C7: variants seen among roughly 807,000 people sequenced by gnomAD.
The protein encoded by C7 is complement C7, also known as complement component C7.
Under a neutral mutation model 104.8 loss-of-function variants are expected in C7, and 83 were observed. The observed-to-expected ratio is 0.79, with a 90% CI of 0.66 to 0.95. C7 has a LOEUF of 0.95. Ranked by LOEUF, C7 falls within the 40% of genes least tolerant of loss-of-function variation. The pLI is 0.00. For synonymous variants in C7, 415 were observed against 360.6 expected, an observed-to-expected ratio of 1.15 and a Z score of -1.71; for missense variants, 1,070 against 1,011.2, an observed-to-expected ratio of 1.06 and a Z score of -0.79.
intron 2 of C7, 93 bp downstream of exon 2, chr5:40,928,728 T>G (rs1739610248): frequency 1.5e-6 from 1 of 676,458 alleles, no homozygotes; most frequent in South Asian, 1.9e-5. Flanking sequence ...ACTTTGAATC[T>G]GTGTATCCCT....
chr5:40,983,664 G>A lies in C7; in HGVS notation c.*2091G>A. 6.6e-6 allele frequency among the ~76,000 whole-genome samples: 1 copy of A among 152,298 alleles called. No homozygotes were observed. On this transcript the variant is annotated 3_prime_UTR_variant, in exon 18 of 18. Transcript: ENST00000313164. ...GAATTAGGATTGTCGCAGCAGGTCA[G>A]CAAGGAGAAAGTCATTTTTAAGATT...
chr5:40,947,898 G>T, intron 8 of C7, 53 bp downstream of exon 8: 2 of 1,528,782 alleles, frequency 1.3e-6, no homozygotes, highest in Non-Finnish European at 1.8e-6. Flanking sequence ...TTTTAATGGG[G>T]AAATAACATG....
chr5:40,932,745 G>A (rs996244973), intron 3 of C7, among the ~76,000 whole-genome samples: 2 of 152,118 alleles, frequency 1.3e-5, no homozygotes, highest in Admixed American at 1.3e-4. Context: ...AGAGAAGAAA[G>A]AACACTAAAT....
At chr5:40,957,850 T>G (rs2111662355) in intron 10 of C7, among the ~76,000 whole-genome samples, 183 bp from the exon 11 acceptor site, 1 of 152,034 alleles carries the variant, frequency 6.6e-6, no homozygotes, top group East Asian at 1.9e-4. Context: ...TTTCCCTAAG[T>G]TTGTCTTGAT....
intron 9 of C7, among the ~76,000 whole-genome samples, chr5:40,954,476 A>G (rs1441415216): frequency 6.6e-6 from 1 of 152,230 alleles, no homozygotes; most frequent in East Asian, 1.9e-4. Flanking sequence ...ACATCTAAGA[A>G]GAACATTCTC....
chr5:40,980,954 TG>T (rs1740928606), intron 17 of C7, among the ~76,000 whole-genome samples: 1 of 152,254 alleles, frequency 6.6e-6, no homozygotes, highest in Non-Finnish European at 1.5e-5. Context: ...ATTTCTGGTT[TG>T]TTTTTTGGGA....
intron 1 of C7, among the ~76,000 whole-genome samples, chr5:40,912,953 C>G (rs1353714348): frequency 7.2e-5 from 11 of 152,166 alleles, no homozygotes; most frequent in Admixed American, 1.3e-4. Context: ...CTTCCCCTTT[C>G]TATCCCCAAC....
At chr5:40,957,768 G>GTTT (rs576860158) in intron 10 of C7, among the ~76,000 whole-genome samples, 23 of 104,464 alleles carry the variant, frequency 2.2e-4, no homozygotes, top group African/African-American at 5.9e-4. Flanking sequence ...GTTTTTTTTT[G>GTTT]TTTTTTTTTT....
At chr5:40,972,259 C>T (rs1317533315) in intron 14 of C7, 144 bp from the exon 15 acceptor site, 2 of 683,374 alleles carry the variant, frequency 2.9e-6, no homozygotes, top group Admixed American at 2.6e-5. Context: ...GTCTTTCAGT[C>T]CACCCTAACA....
intron 9 of C7, 94 bp from the exon 10 acceptor site, chr5:40,955,293 C>T (rs1740264174): frequency 8.6e-7 from 1 of 1,165,488 alleles, no homozygotes; most frequent in Non-Finnish European, 1.2e-6. Flanking sequence ...TGACTGTTTC[C>T]ATAGTTTGGC....
intron 13 of C7, among the ~76,000 whole-genome samples, chr5:40,963,403 T>G (rs566991788): frequency 3.3e-5 from 5 of 152,276 alleles, no homozygotes; most frequent in Admixed American, 1.3e-4. Context: ...TTTTGTTTTG[T>G]TTTTGCAAGG....
At chr5:40,924,295 G>T (rs561203148) in intron 1 of C7, among the ~76,000 whole-genome samples, 1 of 152,256 alleles carries the variant, frequency 6.6e-6, no homozygotes, top group Admixed American at 6.5e-5. Flanking sequence ...AATCTCCCTT[G>T]GCTCCAGGTT....
chr5:40,958,906 G>T (rs1740360444), intron 11 of C7, among the ~76,000 whole-genome samples: 1 of 152,078 alleles, frequency 6.6e-6, no homozygotes, highest in African/African-American at 2.4e-5. Flanking sequence ...TTGATTCATA[G>T]AAGTCACTAA....
intron 7 of C7, among the ~76,000 whole-genome samples, chr5:40,945,980 C>A (rs1740039933): frequency 6.7e-6 from 1 of 149,210 alleles, no homozygotes; most frequent in African/African-American, 2.4e-5. Flanking sequence ...TTACAAAGCC[C>A]TTATTACCTT....
chr5:40,947,114 T>C (rs1435005303), intron 7 of C7, among the ~76,000 whole-genome samples: 1 of 151,398 alleles, frequency 6.6e-6, no homozygotes, highest in Non-Finnish European at 1.5e-5. Context: ...TTTTTTTTTT[T>C]TTTGATATTG....
intron 3 of C7, among the ~76,000 whole-genome samples, chr5:40,932,086 T>C (rs1739696757): frequency 6.6e-6 from 1 of 152,174 alleles, no homozygotes; most frequent in Non-Finnish European, 1.5e-5. Flanking sequence ...AAACAAATTA[T>C]ATAACAGCAT....
chr5:40,927,699 A>G (rs776893745), intron 1 of C7, among the ~76,000 whole-genome samples: 1 of 152,100 alleles, frequency 6.6e-6, no homozygotes, highest in South Asian at 2.1e-4. Flanking sequence ...AGTGCTCAAC[A>G]TTGCTAATCA....
chr5:40,981,554 G>A lies in C7; in HGVS notation c.2513G>A (p.Cys838Tyr), dbSNP rs774987776. The A allele has an allele frequency of 4.3e-6, 7 of 1,610,820 alleles. No homozygotes were observed. Among genetic ancestry groups the A allele is most frequent in the Non-Finnish European group, 5.9e-6 (7 of 1,177,494 alleles). Residue 838 changes from cysteine (C) to tyrosine (Y), a missense_variant, in exon 18 of 18, where the codon TGT (cysteine) becomes TAT (tyrosine). Physicochemically the swap from Cys to Tyr is radical, Grantham distance 194. Transcript: ENST00000313164. ...QSISVTSIRPCAAETQ is the reference protein window; with the variant it reads ...QSISVTSIRPYAAETQ ...ATCTCTGTCACCAGCATAAGGCCTT[G>A]TGCTGCGGAAACCCAGTAGGCTCCT...
At chr5:40,967,069 A>ATTTTTTTT (rs72111743) in intron 14 of C7, among the ~76,000 whole-genome samples, 1 of 127,812 alleles carries the variant, frequency 7.8e-6, no homozygotes. Flanking sequence ...TTTTCAAAGG[A>ATTTTTTTT]TTTTTTTTTT....
Sources: allele counts gnomAD v4.1 joint callset (sites outside exome capture counted in the v4.1 genomes callset), GRCh38; gene constraint gnomAD v4.1.1; transcripts MANE v1.5; gene names NCBI Gene and HGNC (gene_info 2026-07-23, HGNC 2026-07-21).